Variants in SGCZ observed in about 807,000 individuals in gnomAD.
SGCZ encodes sarcoglycan zeta, also known as zeta-sarcoglycan.
SGCZ carries 40 observed loss-of-function variants against 41.3 expected under a neutral mutation model. The ratio of observed to expected loss-of-function variants is 0.97; its 90% CI spans 0.75 to 1.26. The LOEUF (loss-of-function observed/expected upper bound fraction) is 1.26, where lower values mean the gene tolerates loss of function less well. Ranked by LOEUF, SGCZ falls within the 50% of genes most tolerant of loss-of-function variation. The pLI is 0.00. For synonymous variants in SGCZ, 206 were observed against 137.5 expected, an observed-to-expected ratio of 1.50 and a Z score of -3.49; for missense variants, 552 against 369.8, an observed-to-expected ratio of 1.49 and a Z score of -4.04.
At chr8:14,831,135 T>A (rs958978165) in intron 1 of SGCZ, among the ~76,000 whole-genome samples, 5 of 152,172 alleles carry the variant, frequency 3.3e-5, no homozygotes, top group African/African-American at 9.6e-5. Flanking sequence ...AATTGAAAAG[T>A]GTATATGTCC....
At chr8:14,199,677 C>A (rs776335322) in intron 4 of SGCZ, among the ~76,000 whole-genome samples, 1 of 152,090 alleles carries the variant, frequency 6.6e-6, no homozygotes, top group African/African-American at 2.4e-5. Flanking sequence ...CCCTTTATTT[C>A]TCAGACTGGC....
intron 1 of SGCZ, among the ~76,000 whole-genome samples, chr8:15,064,750 G>A (rs1805063779): frequency 6.6e-6 from 1 of 152,100 alleles, no homozygotes; most frequent in Non-Finnish European, 1.5e-5. Context: ...GGGGGGATCA[G>A]TGAGATAGAT....
intron 2 of SGCZ, among the ~76,000 whole-genome samples, chr8:14,512,557 C>A (rs989867749): frequency 5.3e-5 from 8 of 152,004 alleles, no homozygotes; most frequent in African/African-American, 1.9e-4. Context: ...AATTCCTGGA[C>A]TCAAGTGATC....
chr8:14,783,243 G>A (rs944435558), intron 1 of SGCZ, among the ~76,000 whole-genome samples: 1 of 152,172 alleles, frequency 6.6e-6, no homozygotes, highest in African/African-American at 2.4e-5. Context: ...AGACAAGCCT[G>A]GTCAACATGG....
intron 2 of SGCZ, among the ~76,000 whole-genome samples, chr8:14,498,860 G>C (rs940208036): frequency 6.7e-6 from 1 of 150,204 alleles, no homozygotes; most frequent in African/African-American, 2.4e-5. Flanking sequence ...CCTCATATGT[G>C]TTCCTTTTGA....
intron 2 of SGCZ, among the ~76,000 whole-genome samples, chr8:14,521,308 A>G (rs73531017): frequency 8.8e-4 from 134 of 152,272 alleles, no homozygotes; most frequent in African/African-American, 3.2e-3. Flanking sequence ...TCATTAAAAT[A>G]TAACTTCGGG....
At chr8:14,523,995 T>A (rs1802865727) in intron 2 of SGCZ, among the ~76,000 whole-genome samples, 1 of 152,246 alleles carries the variant, frequency 6.6e-6, no homozygotes, top group Non-Finnish European at 1.5e-5. Context: ...TCTTATGTAC[T>A]CATCATTCTG....
intron 4 of SGCZ, among the ~76,000 whole-genome samples, chr8:14,200,433 C>T (rs1189255228): frequency 6.6e-6 from 1 of 152,088 alleles, no homozygotes; most frequent in African/African-American, 2.4e-5. Flanking sequence ...CATTGGACAA[C>T]TCACTCTAAC....
intron 3 of SGCZ, among the ~76,000 whole-genome samples, chr8:14,260,144 T>C (rs1026478272): frequency 3.3e-5 from 5 of 152,068 alleles, no homozygotes; most frequent in Admixed American, 3.3e-4. Context: ...GAAACTACCA[T>C]CAGAGTGAAC....
intron 1 of SGCZ, among the ~76,000 whole-genome samples, chr8:14,600,215 A>G (rs1019766937): frequency 6.6e-6 from 1 of 152,024 alleles, no homozygotes; most frequent in African/African-American, 2.4e-5. Context: ...TCTTCTTCAT[A>G]TCTGTTATGC....
intron 1 of SGCZ, among the ~76,000 whole-genome samples, chr8:14,883,774 TTG>T (rs1274306118): frequency 3.6e-5 from 5 of 139,040 alleles, no homozygotes; most frequent in African/African-American, 1.4e-4. Context: ...TGGCATCCTG[TTG>T]TTTTTTTTTT....
intron 2 of SGCZ, among the ~76,000 whole-genome samples, chr8:14,540,834 G>A (rs1032066021): frequency 1.3e-5 from 2 of 151,552 alleles, no homozygotes; most frequent in African/African-American, 4.8e-5. Context: ...CTTTTTACTT[G>A]TCACATGTTC....
At chr8:14,665,184 C>G (rs897324717) in intron 1 of SGCZ, among the ~76,000 whole-genome samples, 1 of 152,034 alleles carries the variant, frequency 6.6e-6, no homozygotes, top group Non-Finnish European at 1.5e-5. Flanking sequence ...CACAACAGGC[C>G]CCGGTGTGTG....
intron 2 of SGCZ, among the ~76,000 whole-genome samples, chr8:14,512,651 A>G (rs1333847409): frequency 6.6e-6 from 1 of 151,400 alleles, no homozygotes; most frequent in East Asian, 1.9e-4. Flanking sequence ...TATTTTGTGG[A>G]GACTTGGTCC....
intron 1 of SGCZ, among the ~76,000 whole-genome samples, chr8:14,812,813 CTTCCACAATT>C (rs1487593727): frequency 2.0e-4 from 31 of 152,174 alleles, no homozygotes; most frequent in Non-Finnish European, 4.1e-4. Context: ...AATAGATAAG[CTTCCACAATT>C]ATCAAGCATG....
chr8:14,562,625 T>G (rs569403178), intron 1 of SGCZ, among the ~76,000 whole-genome samples: 1 of 152,202 alleles, frequency 6.6e-6, no homozygotes, highest in African/African-American at 2.4e-5. Flanking sequence ...AGTTTTTATT[T>G]GAAGGCCTAA....
chr8:15,084,625 G>T (rs1350007477), intron 1 of SGCZ, among the ~76,000 whole-genome samples: 2 of 152,060 alleles, frequency 1.3e-5, no homozygotes, highest in African/African-American at 4.8e-5. Flanking sequence ...GGTAATGCAT[G>T]TCTGTAGTCC....
At chr8:14,754,659 T>C (rs1585233426) in intron 1 of SGCZ, among the ~76,000 whole-genome samples, 2 of 152,190 alleles carry the variant, frequency 1.3e-5, no homozygotes, top group South Asian at 2.1e-4. Flanking sequence ...ATGGTTACAT[T>C]TAAGAAATTT....
chr8:14,700,161 C>T (rs982373488), intron 1 of SGCZ, among the ~76,000 whole-genome samples: 2 of 151,876 alleles, frequency 1.3e-5, no homozygotes, highest in African/African-American at 2.4e-5. Context: ...CACTAGAACG[C>T]TCGCTGCAGC....
Sources: allele counts gnomAD v4.1 joint callset (sites outside exome capture counted in the v4.1 genomes callset), GRCh38; gene constraint gnomAD v4.1.1; transcripts MANE v1.5; gene names NCBI Gene and HGNC (gene_info 2026-07-23, HGNC 2026-07-21).